The following DEPDC4 variants were observed in gnomAD, a reference collection of about 807,000 sequenced individuals.
DEPDC4 encodes DEP domain containing 4, also known as DEP domain-containing protein 4.
In DEPDC4, 52 loss-of-function variants were observed where a neutral mutation model predicts 52.0. That is an observed-to-expected ratio of 1.00 (90% confidence interval 0.80 to 1.26). The LOEUF (loss-of-function observed/expected upper bound fraction) is 1.26, where lower values mean the gene tolerates loss of function less well. Ranked by LOEUF, DEPDC4 falls within the 50% of genes most tolerant of loss-of-function variation. The pLI is 0.00. For missense variants in DEPDC4, 530 were observed against 546.9 expected (o/e 0.97, Z 0.31); for synonymous variants, 201 against 196.8 (o/e 1.02, Z -0.18).
chr12:100,235,833 CAG>C (rs1162734784), downstream of DEPDC4, among the ~76,000 whole-genome samples: 1 of 152,198 alleles, frequency 6.6e-6, no homozygotes, highest in African/African-American at 2.4e-5. Context: ...CTCAGCTTCC[CAG>C]AGTGTTGGGA....
chr12:100,257,091 T>G (rs1170553329), intron 3 of DEPDC4, among the ~76,000 whole-genome samples: 1 of 152,196 alleles, frequency 6.6e-6, no homozygotes, highest in African/African-American at 2.4e-5. Context: ...ATTTATTTAC[T>G]TACTTTTTGA....
chr12:100,249,807 A>T (rs1028667708), intron 7 of DEPDC4, among the ~76,000 whole-genome samples: 4 of 152,234 alleles, frequency 2.6e-5, no homozygotes, highest in Non-Finnish European at 4.4e-5. Context: ...GTACTGTTAC[A>T]GGTGATGAAT....
chr12:100,232,053 A>G (rs762091511), intron 9 of DEPDC4, among the ~76,000 whole-genome samples: 2 of 152,192 alleles, frequency 1.3e-5, no homozygotes, highest in Non-Finnish European at 2.9e-5. Context: ...TTTTTAGCCT[A>G]AAGGAAAATG....
At chr12:100,269,702 T>A (rs1291390377), upstream of DEPDC4, among the ~76,000 whole-genome samples, 3 of 152,208 alleles carry the variant, frequency 2.0e-5, no homozygotes, top group Non-Finnish European at 4.4e-5. Context: ...GAATTGGCAT[T>A]TGAACTCAGA....
intron 9 of DEPDC4, among the ~76,000 whole-genome samples, chr12:100,234,761 C>G (rs1030675860): frequency 3.9e-5 from 6 of 152,126 alleles, no homozygotes. Flanking sequence ...GTAATTGAAG[C>G]TGGATTTATT....
chr12:100,256,669 T>A (rs1261809227), intron 3 of DEPDC4, among the ~76,000 whole-genome samples: 9 of 148,934 alleles, frequency 6.0e-5, no homozygotes, highest in African/African-American at 2.2e-4. Context: ...TGAGATGGAG[T>A]CTCGCTTTGT....
At chr12:100,266,772 C>A in intron 1 of DEPDC4, 148 bp downstream of exon 1, 1 of 1,109,490 alleles carries the variant, frequency 9.0e-7, no homozygotes, top group South Asian at 1.7e-5. Flanking sequence ...CTGGGTCCCC[C>A]AGTCCAGTGC....
upstream of DEPDC4, chr12:100,267,154 T>G (rs1306640437): frequency 6.7e-7 from 1 of 1,485,858 alleles, no homozygotes; most frequent in South Asian, 1.2e-5. Context: ...AGTGACGTCA[T>G]GCCCCCGGCC....
At chr12:100,281,877 A>AGTGTAAAG in the DEPDC4 span, among the ~76,000 whole-genome samples, 1 of 152,048 alleles carries the variant, frequency 6.6e-6, no homozygotes, top group Admixed American at 6.6e-5. Flanking sequence ...TGCTTAGTAA[A>AGTGTAAAG]GTGTAAAGTG....
At chr12:100,235,031 G>C (rs1045923026) in intron 9 of DEPDC4, among the ~76,000 whole-genome samples, 1 of 150,812 alleles carries the variant, frequency 6.6e-6, no homozygotes, top group African/African-American at 2.4e-5. Context: ...CTGTTTACAA[G>C]TTTCATTGAG....
the DEPDC4 span, among the ~76,000 whole-genome samples, chr12:100,272,531 G>A: frequency 6.6e-5 from 10 of 152,056 alleles, no homozygotes; most frequent in East Asian, 1.5e-3. Flanking sequence ...CAGTCTGGAC[G>A]GTTTTTTCTA....
chr12:100,239,231 C>T (rs577936848), downstream of DEPDC4, among the ~76,000 whole-genome samples: 55 of 152,192 alleles, frequency 3.6e-4, no homozygotes, highest in African/African-American at 1.3e-3. Context: ...TGCCCACCAC[C>T]ACACACGCTA....
At chr12:100,259,717 C>A (rs915692086) in intron 3 of DEPDC4, among the ~76,000 whole-genome samples, 1 of 151,838 alleles carries the variant, frequency 6.6e-6, no homozygotes, top group Admixed American at 6.6e-5. Context: ...ATGGATGTGC[C>A]TAAAACTGAA....
At chr12:100,277,193 C>A in the DEPDC4 span, among the ~76,000 whole-genome samples, 3 of 152,132 alleles carry the variant, frequency 2.0e-5, no homozygotes, top group Admixed American at 2.0e-4. Flanking sequence ...TACGTGTCTA[C>A]ATGAAAACCA....
At chr12:100,273,638 G>C in the DEPDC4 span, among the ~76,000 whole-genome samples, 1 of 152,116 alleles carries the variant, frequency 6.6e-6, no homozygotes. Context: ...AATATGCTTT[G>C]TTTTCATATG....
rs2096231056 is a variant in DEPDC4, at chr12:100,256,055, A to G, written c.872T>C (p.Leu291Pro). 2 of 1,595,094 alleles carry G rather than the reference A, an allele frequency of 1.3e-6. No homozygotes were observed. The highest frequency in any genetic ancestry group is 1.7e-6 in the Non-Finnish European group (2 of 1,169,690). The change falls in exon 4 of 10, where the codon CTA becomes CCA. Residue 291 changes from leucine (L) to proline (P), a missense_variant. Physicochemically the swap from Leu to Pro is moderately conservative, Grantham distance 98. Transcript: ENST00000550587. ...LDRELIPSLC[L>P]PEIDNWLNAA... ...AATAAAAATGGTCACTTACTCAGGT[A>G]GACATAAGCTTGGAATAAGTTCTCT...
At chr12:100,259,081 A>ATATATATATATATATATAT (rs1555312803) in intron 3 of DEPDC4, among the ~76,000 whole-genome samples, 15 of 149,184 alleles carry the variant, frequency 1.0e-4, no homozygotes, top group South Asian at 4.2e-4. Flanking sequence ...AAAAAAAAAA[A>ATATATATATATATATATAT]ATATATATAT....
chr12:100,247,201 G>GTTTTTTT (rs869121983), intron 8 of DEPDC4, among the ~76,000 whole-genome samples: 15 of 71,700 alleles, frequency 2.1e-4, no homozygotes, highest in South Asian at 5.1e-4. Context: ...TCCCCTTAGT[G>GTTTTTTT]TTTTTTTTTT....
upstream of DEPDC4, among the ~76,000 whole-genome samples, chr12:100,271,205 A>AG (rs909753510): frequency 6.6e-6 from 1 of 150,958 alleles, no homozygotes; most frequent in African/African-American, 2.4e-5. Context: ...TATTTCAAGA[A>AG]TACATCTTAA....
Sources: gnomAD v4.1 joint callset for allele counts (sites outside exome capture counted in the v4.1 genomes callset) on GRCh38, gnomAD v4.1.1 for gene constraint, MANE v1.5 for transcripts, NCBI Gene and HGNC (gene_info 2026-07-23, HGNC 2026-07-21) for gene names.